GMDS: variants seen among roughly 807,000 people sequenced by gnomAD.
GMDS encodes GDP-mannose 4,6-dehydratase.
GMDS carries 20 observed loss-of-function variants against 49.9 expected under a neutral mutation model. The observed-to-expected ratio is 0.40, with a 90% CI of 0.28 to 0.58. The LOEUF is 0.58. Ranked by LOEUF, GMDS falls within the 20% of genes least tolerant of loss-of-function variation. GMDS has a pLI of 0.42. For missense variants in GMDS, 362 were observed against 481.4 expected (o/e 0.75, Z 2.32); for synonymous variants, 177 against 178.6 (o/e 0.99, Z 0.07).
At chr6:1,813,410 G>T (rs1000349302) in intron 7 of GMDS, among the ~76,000 whole-genome samples, 5 of 152,092 alleles carry the variant, frequency 3.3e-5, no homozygotes, top group South Asian at 2.1e-4. Flanking sequence ...CCTAAGTGAG[G>T]TTATTTTAGA....
At chr6:1,711,149 G>A (rs148289247) in intron 9 of GMDS, among the ~76,000 whole-genome samples, 1 of 152,302 alleles carries the variant, frequency 6.6e-6, no homozygotes, top group East Asian at 1.9e-4. Flanking sequence ...TCTTCAAGAG[G>A]TGAATGAAAC....
At chr6:1,845,601 T>C (rs998900975) in intron 7 of GMDS, among the ~76,000 whole-genome samples, 2 of 152,270 alleles carry the variant, frequency 1.3e-5, no homozygotes, top group South Asian at 4.2e-4. Context: ...GCGGTCCCCA[T>C]CCTTTTTGGC....
chr6:1,689,240 A>C (rs1193671709), intron 9 of GMDS, among the ~76,000 whole-genome samples: 1 of 152,240 alleles, frequency 6.6e-6, no homozygotes, highest in African/African-American at 2.4e-5. Flanking sequence ...AGGATTCTGC[A>C]ACCACTTCTC....
intron 4 of GMDS, among the ~76,000 whole-genome samples, chr6:1,998,585 A>C (rs1222991610): frequency 1.3e-5 from 2 of 152,206 alleles, no homozygotes; most frequent in African/African-American, 4.8e-5. Flanking sequence ...ACCACAATTC[A>C]AAATATTCAG....
intron 9 of GMDS, among the ~76,000 whole-genome samples, chr6:1,708,029 A>G (rs1396036312): frequency 6.6e-6 from 1 of 152,226 alleles, no homozygotes; most frequent in Non-Finnish European, 1.5e-5. Context: ...GGAGTAAGGT[A>G]AGGTATAAAT....
chr6:2,165,104 A>G (rs916753958), intron 1 of GMDS, among the ~76,000 whole-genome samples: 5 of 152,140 alleles, frequency 3.3e-5, no homozygotes, highest in African/African-American at 9.7e-5. Context: ...CAGATTAGAG[A>G]GCCACTTCTA....
chr6:1,681,145 T>C (rs1764772928), intron 9 of GMDS, among the ~76,000 whole-genome samples: 1 of 151,120 alleles, frequency 6.6e-6, no homozygotes, highest in Non-Finnish European at 1.5e-5. Context: ...TACACACACC[T>C]ATATACACAC....
chr6:1,671,418 A>G (rs1263712682), intron 9 of GMDS, among the ~76,000 whole-genome samples: 1 of 152,136 alleles, frequency 6.6e-6, no homozygotes, highest in Non-Finnish European at 1.5e-5. Context: ...TTTGGGATCA[A>G]GCCAAAAACA....
chr6:2,078,850 T>G (rs776023824), intron 4 of GMDS, among the ~76,000 whole-genome samples: 10 of 151,998 alleles, frequency 6.6e-5, no homozygotes, highest in Non-Finnish European at 1.3e-4. Context: ...TGTCTCATGC[T>G]GAGAATGGGG....
intron 1 of GMDS, among the ~76,000 whole-genome samples, chr6:2,163,436 T>A (rs200522421): frequency 0.015 from 2,249 of 150,690 alleles, 62 homozygotes; most frequent in African/African-American, 0.051. Context: ...TGTGTGTGTG[T>A]GAGAGAGAGA....
At chr6:1,683,371 C>T (rs1764861658) in intron 9 of GMDS, among the ~76,000 whole-genome samples, 1 of 152,210 alleles carries the variant, frequency 6.6e-6, no homozygotes, top group Admixed American at 6.5e-5. Context: ...GATTTGTCCG[C>T]CTCGGCCTCC....
intron 1 of GMDS, among the ~76,000 whole-genome samples, chr6:2,170,721 C>T (rs557226372): frequency 5.1e-4 from 78 of 152,116 alleles, no homozygotes; most frequent in African/African-American, 1.7e-3. Flanking sequence ...ACAGGCCAGG[C>T]GCGGTGGTTC....
chr6:1,968,922 C>G (rs1764420990), intron 4 of GMDS, among the ~76,000 whole-genome samples: 1 of 151,982 alleles, frequency 6.6e-6, no homozygotes, highest in East Asian at 1.9e-4. Context: ...AAAAATATAT[C>G]TGTAATTTTA....
At chr6:1,988,529 C>G (rs1279862770) in intron 4 of GMDS, among the ~76,000 whole-genome samples, 1 of 152,186 alleles carries the variant, frequency 6.6e-6, no homozygotes, top group African/African-American at 2.4e-5. Flanking sequence ...GGCTCCCTAT[C>G]CAGCTCACCC....
At position 2,239,554 on chromosome 6, in the gene GMDS, G is replaced by A. The variant is rs12193942; in HGVS notation, c.102+5767C>T. ...AAGAAAAACACTCAAAAAATGTAAGGCTATACAATTAATTGGTATCAAAAC... is the reference window on the plus strand; with the variant it reads ...AAGAAAAACACTCAAAAAATGTAAGACTATACAATTAATTGGTATCAAAAC... On this transcript the variant is annotated intron_variant, in intron 1 of 10. Coordinates refer to ENST00000380815, the MANE Select transcript of GMDS (RefSeq NM_001500.4). Among the ~76,000 whole-genome samples, 1,260 of 152,208 alleles carry A rather than the reference G, an allele frequency of 8.3e-3. 6 individuals are homozygous for A. Among genetic ancestry groups the A allele is most frequent in the Non-Finnish European group, 0.012 (848 of 68,022 alleles).
chr6:1,959,883 A>G lies in GMDS; in HGVS notation c.627T>C (p.His209=), dbSNP rs751429838. 4 of 1,595,168 alleles carry G rather than the reference A, an allele frequency of 2.5e-6. No individual in the cohort carries two copies. Among genetic ancestry groups the G allele is most frequent in the Non-Finnish European group, 3.4e-6 (4 of 1,166,394 alleles). The change falls in exon 6 of 11, where the codon CAT becomes CAC. Residue 209 remains histidine (H), a synonymous_variant. Coordinates refer to ENST00000380815, the MANE Select transcript of GMDS (RefSeq NM_001500.4). The part of the protein sequence containing the change: ...LFAVNGILFN[H]ESPRRGANFV... Reference sequence around the variant, plus strand: ...TTTACTGACCTCTTCTGGGACTCTCATGATTGAAGAGAATGCCGTTCACTG... The same window carrying G: ...TTTACTGACCTCTTCTGGGACTCTCGTGATTGAAGAGAATGCCGTTCACTG...
chr6:1,737,363 C>A (rs1267714790), intron 8 of GMDS, among the ~76,000 whole-genome samples: 1 of 152,126 alleles, frequency 6.6e-6, no homozygotes, highest in Non-Finnish European at 1.5e-5. Context: ...TTTGGGTTAT[C>A]CTACTATCAT....
intron 4 of GMDS, among the ~76,000 whole-genome samples, chr6:2,051,935 G>A (rs748809538): frequency 3.3e-5 from 5 of 151,826 alleles, no homozygotes; most frequent in Admixed American, 1.3e-4. Context: ...TGGCCAACAC[G>A]GTGAAACCCC....
intron 7 of GMDS, among the ~76,000 whole-genome samples, chr6:1,896,262 C>T (rs1042135651): frequency 2.6e-5 from 4 of 152,134 alleles, no homozygotes; most frequent in East Asian, 1.9e-4. Flanking sequence ...TAAAAACTGT[C>T]GCCAGACATT....
Sources: gnomAD v4.1 joint callset for allele counts (sites outside exome capture counted in the v4.1 genomes callset) on GRCh38, gnomAD v4.1.1 for gene constraint, MANE v1.5 for transcripts, NCBI Gene and HGNC (gene_info 2026-07-23, HGNC 2026-07-21) for gene names.